The following NSUN6 variants were observed in gnomAD, a reference collection of about 807,000 sequenced individuals.
The protein encoded by NSUN6 is NOP2/Sun RNA methyltransferase 6.
NSUN6 carries 64 observed loss-of-function variants against 58.0 expected under a neutral mutation model. The ratio of observed to expected loss-of-function variants is 1.10; its 90% confidence interval spans 0.90 to 1.36. NSUN6 has a LOEUF of 1.36. Among genes scored for constraint, NSUN6 ranks in the 40% most tolerant of loss-of-function variants. The pLI, the probability that NSUN6 is intolerant of heterozygous loss-of-function variation, is 0.00. For synonymous variants in NSUN6, 231 were observed against 193.9 expected (o/e 1.19, Z -1.59); for missense variants, 701 against 550.1 (o/e 1.27, Z -2.74).
upstream of NSUN6, among the ~76,000 whole-genome samples, chr10:18,653,691 T>C (rs2059746152): frequency 6.6e-6 from 1 of 152,154 alleles, no homozygotes; most frequent in African/African-American, 2.4e-5. Flanking sequence ...TATTCTTGAC[T>C]AGATGTTATA....
At chr10:18,572,112 C>T (rs1295854813) in intron 8 of NSUN6, among the ~76,000 whole-genome samples, 1 of 151,488 alleles carries the variant, frequency 6.6e-6, no homozygotes, top group African/African-American at 2.4e-5. Context: ...ATTTCACTCT[C>T]CCTTCCAGTT....
At chr10:18,646,170 G>C in intron 2 of NSUN6, among the ~76,000 whole-genome samples, 1 of 152,072 alleles carries the variant, frequency 6.6e-6, no homozygotes. Context: ...ACTCCAGCCT[G>C]AGCAACAGAG....
intron 2 of NSUN6, among the ~76,000 whole-genome samples, chr10:18,646,975 T>C (rs2059564418): frequency 6.6e-6 from 1 of 152,226 alleles, no homozygotes. Flanking sequence ...TTATGTTTTA[T>C]ACCTGTCATT....
In NSUN6 at chr10:18,614,604, G is replaced by C. The variant is rs746598086; in HGVS notation, c.431C>G (p.Ala144Gly). The change falls in exon 5 of 11, where the codon GCT becomes GGT. Residue 144 changes from alanine to glycine, a missense_variant. Coordinates refer to ENST00000377304, the MANE Select transcript of NSUN6 (RefSeq NM_182543.5). Reference sequence around the variant, plus strand: ...AGAGTATACAGAAATAACATCTCCAGCTTTCATAACTAGAGAAAGAAGAAA... The same window carrying C: ...AGAGTATACAGAAATAACATCTCCACCTTTCATAACTAGAGAAAGAAGAAA... Reference protein sequence around the residue: ...GIVSASQFMKAGDVISVYSDI... With the variant: ...GIVSASQFMKGGDVISVYSDI... 8.5e-6 allele frequency: 12 copies of C among 1,405,284 alleles called. No homozygotes were observed. The African/African-American group carries it at 1.8e-4, about 21-fold the overall frequency. The allele number at this position is 1,405,284 out of a possible 1,614,324, so 87.1% of individuals were successfully genotyped here.
upstream of NSUN6, chr10:18,655,202 T>G (rs1454873796): frequency 6.3e-6 from 6 of 957,508 alleles, no homozygotes; most frequent in Non-Finnish European, 7.5e-6. Context: ...CAACATAGAT[T>G]CTTACAAAGA....
intron 3 of NSUN6, among the ~76,000 whole-genome samples, chr10:18,628,524 C>G (rs4316423): frequency 0.8 from 121,180 of 152,030 alleles, 48,423 homozygotes; most frequent in East Asian, 0.98. Context: ...TTAGAAGAAT[C>G]TATAACTAGA....
chr10:18,557,277 T>G (rs7071192), intron 8 of NSUN6, among the ~76,000 whole-genome samples: 9 of 151,462 alleles, frequency 5.9e-5, no homozygotes, highest in African/African-American at 1.5e-4. Flanking sequence ...GAGAATGCTA[T>G]GGAATGCAGT....
intron 8 of NSUN6, among the ~76,000 whole-genome samples, chr10:18,583,185 A>G (rs776510357): frequency 2.0e-4 from 30 of 152,184 alleles, no homozygotes; most frequent in Non-Finnish European, 2.9e-5. Flanking sequence ...CTTCTGGACA[A>G]TAAGTCTTAG....
chr10:18,609,033 G>GTC (rs1469488029), intron 6 of NSUN6, among the ~76,000 whole-genome samples: 1 of 152,176 alleles, frequency 6.6e-6, no homozygotes, highest in Non-Finnish European at 1.5e-5. Flanking sequence ...CAAAGGCCAG[G>GTC]TACGGTGGCT....
chr10:18,638,166 G>C (rs1035091300), intron 3 of NSUN6, among the ~76,000 whole-genome samples: 4 of 152,182 alleles, frequency 2.6e-5, no homozygotes, highest in Non-Finnish European at 5.9e-5. Context: ...AAGTTGGCCA[G>C]GTGAGGTGGC....
intron 3 of NSUN6, 74 bp from the exon 4 acceptor site, chr10:18,616,367 T>A (rs1297102983): frequency 1.2e-6 from 1 of 821,816 alleles, no homozygotes; most frequent in African/African-American, 1.7e-5. Context: ...GTGTTCTATC[T>A]GAACTCTAAT....
chr10:18,567,248 A>G (rs1426509710), intron 8 of NSUN6, among the ~76,000 whole-genome samples: 2 of 148,954 alleles, frequency 1.3e-5, no homozygotes, highest in Non-Finnish European at 1.5e-5. Context: ...TCCATATTCT[A>G]TTCCTTTCTC....
chr10:18,627,671 G>A (rs2058864588), intron 3 of NSUN6, among the ~76,000 whole-genome samples: 1 of 152,186 alleles, frequency 6.6e-6, no homozygotes, highest in African/African-American at 2.4e-5. Context: ...GGAAAATTGG[G>A]TCACTCCCAC....
chr10:18,570,729 T>C (rs970753449), intron 8 of NSUN6, among the ~76,000 whole-genome samples: 2 of 150,404 alleles, frequency 1.3e-5, no homozygotes, highest in African/African-American at 4.9e-5. Flanking sequence ...CATTCTCCAC[T>C]CCATTTCATT....
At chr10:18,620,309 G>A (rs140210003) in intron 3 of NSUN6, among the ~76,000 whole-genome samples, 156 of 152,072 alleles carry the variant, frequency 1.0e-3, no homozygotes, top group African/African-American at 3.5e-3. Flanking sequence ...GGATAGTCTC[G>A]ATCTCCTGAC....
chr10:18,563,852 TC>T (rs2055726989), intron 8 of NSUN6, among the ~76,000 whole-genome samples: 4 of 150,216 alleles, frequency 2.7e-5, no homozygotes, highest in Non-Finnish European at 6.0e-5. Flanking sequence ...CATTCAATCC[TC>T]CCTTCCATTC....
At chr10:18,592,528 A>C (rs1371943389) in intron 7 of NSUN6, among the ~76,000 whole-genome samples, 1 of 152,168 alleles carries the variant, frequency 6.6e-6, no homozygotes, top group East Asian at 1.9e-4. Context: ...CATATAGACC[A>C]ATGTAACAGA....
At chr10:18,603,487 T>TG (rs1437666090) in intron 6 of NSUN6, among the ~76,000 whole-genome samples, 9 of 151,840 alleles carry the variant, frequency 5.9e-5, no homozygotes, top group Non-Finnish European at 1.3e-4. Flanking sequence ...TCTTTTTTTT[T>TG]GGGATGGAGT....
intron 3 of NSUN6, among the ~76,000 whole-genome samples, chr10:18,637,116 C>T (rs567233681): frequency 2.0e-5 from 3 of 151,908 alleles, no homozygotes; most frequent in African/African-American, 7.2e-5. Flanking sequence ...GCATGCACCA[C>T]CACACCCAGA....
Sources: gnomAD v4.1 joint callset for allele counts (sites outside exome capture counted in the v4.1 genomes callset) on GRCh38, gnomAD v4.1.1 for gene constraint, MANE v1.5 for transcripts, NCBI Gene and HGNC (gene_info 2026-07-23, HGNC 2026-07-21) for gene names.